ARID3C: variants seen among roughly 807,000 people sequenced by gnomAD.
ARID3C encodes AT-rich interaction domain 3C.
Under a neutral mutation model 37.9 loss-of-function variants are expected in ARID3C, and 42 were observed. The observed-to-expected ratio is 1.11, with a 90% CI of 0.87 to 1.43. ARID3C has a LOEUF of 1.43. Among genes scored for constraint, ARID3C ranks in the 40% most tolerant of loss-of-function variants. The pLI, the probability that ARID3C is intolerant of heterozygous loss-of-function variation, is 0.00. For synonymous variants in ARID3C, 213 were observed against 228.0 expected, an observed-to-expected ratio of 0.93 and a Z score of 0.59; for missense variants, 581 against 548.8, an observed-to-expected ratio of 1.06 and a Z score of -0.59.
At chr9:34,627,628 A>G (rs1820673160) in intron 1 of ARID3C, 69 bp downstream of exon 2, 1 of 1,453,774 alleles carries the variant, frequency 6.9e-7, no homozygotes, top group Admixed American at 2.2e-5. Context: ...GCTGCTAATC[A>G]CCTGGCTGTG....
chr9:34,623,445 C>G (rs1169993172), exon 4 of ARID3C: 4 of 1,526,036 alleles, frequency 2.6e-6, no homozygotes, highest in Non-Finnish European at 3.5e-6. Flanking sequence ...AGGGCTTGGA[C>G]TCAGCTGAGC....
chr9:34,627,875 T>G (rs1820679026), exon 1 of ARID3C: 1 of 1,577,374 alleles, frequency 6.3e-7, no homozygotes, highest in Non-Finnish European at 8.6e-7. Flanking sequence ...AGCCCCAACA[T>G]TCCCCAAGGC....
upstream of ARID3C, chr9:34,628,194 G>C: frequency 1.2e-6 from 1 of 809,240 alleles, no homozygotes; most frequent in South Asian, 2.5e-5. This position sits in a 1 kb window ranked among gnomAD's most constrained non-coding sequence, Gnocchi z 5.2. Context: ...CAAGGAAAGA[G>C]GCAGAAAGAT....
At chr9:34,629,518 T>C (rs1384139857), upstream of ARID3C, among the ~76,000 whole-genome samples, 1 of 152,172 alleles carries the variant, frequency 6.6e-6, no homozygotes, top group African/African-American at 2.4e-5. Flanking sequence ...GAATAGAAGC[T>C]TCTCCCTTTG....
At chr9:34,626,656 T>C (rs1325061259) in intron 1 of ARID3C, among the ~76,000 whole-genome samples, 1 of 152,062 alleles carries the variant, frequency 6.6e-6, no homozygotes, top group Non-Finnish European at 1.5e-5. Context: ...ACAAACAAAA[T>C]ATCCATGAGT....
At chr9:34,621,532 C>T (rs775200086) in exon 7 of ARID3C, 7 of 1,562,942 alleles carry the variant, frequency 4.5e-6, no homozygotes, top group Non-Finnish European at 6.0e-6. Context: ...GAAGCTGGCA[C>T]AGGCTGGCGG....
Position 34,623,721 on chromosome 9 carries a change from G to T in ARID3C, c.576-7C>A, listed in dbSNP as rs10814129. 6.6e-7 allele frequency: 1 copy of T among 1,524,500 alleles called. No homozygotes were observed. The highest frequency in any genetic ancestry group is 8.8e-7 in the Non-Finnish European group (1 of 1,136,900). The allele number at this position is 1,524,500 out of a possible 1,614,324, so 94.4% of individuals were successfully genotyped here. A position where few individuals can be genotyped will look rare whatever the true frequency, so the allele number is the denominator to read the frequency against. ...GTACAGGTACTTCATGTACCTAGGG[G>T]CGGACAGCGGGCGGTGAGTGTATGG... On this transcript the variant is annotated splice_polypyrimidine_tract_variant and splice_region_variant and intron_variant, in intron 3 of 6. Transcript: ENST00000378909.
At chr9:34,625,860 C>G (rs1303367627) in intron 1 of ARID3C, 46 bp from the exon 3 acceptor site, 1 of 1,606,434 alleles carries the variant, frequency 6.2e-7, no homozygotes, top group South Asian at 1.1e-5. Context: ...GACTCCCCCT[C>G]CCTCCCTTGA....
Position 34,628,035 on chromosome 9 carries a change from C to A in ARID3C, c.-21G>T, listed in dbSNP as rs1276336738. On this transcript the variant is annotated 5_prime_UTR_variant, in exon 1 of 7. Transcript: ENST00000378909. This position sits in a 1 kb window ranked among gnomAD's most constrained non-coding sequence, Gnocchi z 5.2. The stretch of plus-strand genomic sequence containing the variant: ...TCCATGACAGCTTCCAGGCGCAGTC[C>A]CCCAGCTGAGGGGGTCCCTGGTACC... The A allele has an allele frequency of 2.1e-6, 3 of 1,460,080 alleles. No individual in the cohort carries two copies. Among genetic ancestry groups the A allele is most frequent in the Non-Finnish European group, 2.7e-6 (3 of 1,105,866 alleles). 90.4% of individuals were successfully genotyped at this position (1,460,080 alleles called of 1,614,324 possible).
chr9:34,622,226 A>G, intron 5 of ARID3C, 117 bp from the exon 7 acceptor site: 1 of 1,567,240 alleles, frequency 6.4e-7, no homozygotes, highest in Non-Finnish European at 8.7e-7. Context: ...CCCCACACCT[A>G]TACTCACACA....
rs147577275 is a variant in ARID3C, at chr9:34,623,929, C to T, written c.510G>A (p.Arg170=). The T allele has an allele frequency of 3.7e-6, 6 of 1,605,304 alleles. No homozygotes were observed. In the African/African-American group the frequency reaches 8.0e-5, roughly 21 times the overall value. ...GTAGGCTGAGGCCGCGCGTGACTTC[C>T]CGCCACACTTTGCGGTTGATGACTT... The change falls in exon 3 of 7, where the codon CGG becomes CGA. Residue 170 remains arginine (R), a synonymous_variant. Transcript: ENST00000378909.
exon 4 of ARID3C, chr9:34,623,568 G>C: frequency 1.2e-6 from 2 of 1,606,428 alleles, no homozygotes; most frequent in South Asian, 2.2e-5. Context: ...GCCCCGAGGG[G>C]GCGGCCCTGC....
upstream of ARID3C, among the ~76,000 whole-genome samples, chr9:34,628,601 T>TCAGAGACGGA: frequency 6.6e-6 from 1 of 151,762 alleles, no homozygotes; most frequent in Non-Finnish European, 1.5e-5. This position sits in a 1 kb window ranked among gnomAD's most constrained non-coding sequence, Gnocchi z 5.2. Flanking sequence ...GACAGGTAGC[T>TCAGAGACGGA]CAGAGACGGA....
upstream of ARID3C, among the ~76,000 whole-genome samples, chr9:34,629,015 C>T (rs1820696980): frequency 6.7e-6 from 1 of 149,772 alleles, no homozygotes; most frequent in African/African-American, 2.4e-5. Flanking sequence ...CCCGGCGGTG[C>T]GCTCCCGCCG....
chr9:34,629,178 C>T (rs1043120911), upstream of ARID3C, among the ~76,000 whole-genome samples: 2 of 152,216 alleles, frequency 1.3e-5, no homozygotes, highest in Non-Finnish European at 2.9e-5. Flanking sequence ...TGTCTCCCAC[C>T]TTCTTTCCAG....
chr9:34,623,026 G>T (rs959743230), intron 4 of ARID3C, among the ~76,000 whole-genome samples: 2 of 151,404 alleles, frequency 1.3e-5, no homozygotes, highest in African/African-American at 4.9e-5. Context: ...GGCCCCTGTA[G>T]TCCCAGCTAC....
intron 4 of ARID3C, 59 bp downstream of exon 5, chr9:34,623,366 A>C: frequency 6.9e-7 from 1 of 1,451,546 alleles, no homozygotes; most frequent in Non-Finnish European, 9.1e-7. Context: ...TGGTTGCTAT[A>C]TCTTAGCGCC....
chr9:34,623,423 A>C lies in ARID3C; in HGVS notation c.865+2T>G. On this transcript the variant is annotated splice_donor_variant, in intron 4 of 6. Coordinates refer to ENST00000378909, the Ensembl canonical transcript of ARID3C. LOFTEE classifies it high-confidence loss of function. ...GAAACCTCTACCATTCTCCCCTCGC[A>C]CCTTTCTTAATAGGGCTTGGACTCA... 4 of 1,492,096 alleles carry C rather than the reference A, an allele frequency of 2.7e-6. No homozygotes were observed. The highest frequency in any genetic ancestry group is 3.6e-6 in the Non-Finnish European group (4 of 1,122,302). The allele number at this position is 1,492,096 out of a possible 1,614,324, so 92.4% of individuals were successfully genotyped here.
chr9:34,623,310 C>G (rs1287616430), intron 4 of ARID3C, 115 bp downstream of exon 5: 2 of 1,276,858 alleles, frequency 1.6e-6, no homozygotes, highest in African/African-American at 3.1e-5. Flanking sequence ...GACCTTACTG[C>G]TCCCATACCT....
Sources: gnomAD v4.1 joint callset for allele counts (sites outside exome capture counted in the v4.1 genomes callset) on GRCh38, gnomAD v4.1.1 for gene constraint, Gnocchi (gnomAD v3.1) non-coding constraint, MANE v1.5 for transcripts, NCBI Gene and HGNC (gene_info 2026-07-23, HGNC 2026-07-21) for gene names.